Variants in ACOT1 observed in about 807,000 individuals in gnomAD.
ACOT1 encodes the protein acyl-CoA thioesterase 1, also known as acyl-coenzyme A thioesterase 1.
A neutral mutation model predicts 15.7 loss-of-function variants in ACOT1; 8 were observed. The ratio of observed to expected loss-of-function variants is 0.51; its 90% confidence interval spans 0.30 to 0.92. The LOEUF (loss-of-function observed/expected upper bound fraction) is 0.92, where lower values mean the gene tolerates loss of function less well. Among genes scored for constraint, ACOT1 ranks in the 40% least tolerant of loss-of-function variants. The pLI is 0.06. For synonymous variants in ACOT1, 67 were observed against 241.2 expected (o/e 0.28, Z 6.69); for missense variants, 151 against 539.4 (o/e 0.28, Z 7.13).
chr14:73,492,203 T>C, the ACOT1 span: 1 of 1,613,922 alleles, frequency 6.2e-7, no homozygotes, highest in East Asian at 2.2e-5. The surrounding 1 kb of genome is among the most constrained non-coding windows in gnomAD (Gnocchi z 4.9). Context: ...ACCTGGAGAT[T>C]TGCTGTATTT....
chr14:73,542,400 T>C (rs147927875), intron 2 of ACOT1, among the ~76,000 whole-genome samples: 1,633 of 103,740 alleles, frequency 0.016, 364 homozygotes, highest in African/African-American at 0.054. Context: ...ATGTTTTTTC[T>C]TTCTTTTTTT....
the ACOT1 span, among the ~76,000 whole-genome samples, chr14:73,501,493 G>A: frequency 1.3e-5 from 2 of 149,858 alleles, no homozygotes; most frequent in Non-Finnish European, 1.5e-5. Context: ...GACCTCAAGT[G>A]ATTCTCCTGC....
chr14:73,491,207 G>A, the ACOT1 span: 1 of 1,594,872 alleles, frequency 6.3e-7, no homozygotes, highest in East Asian at 2.3e-5. Flanking sequence ...CGAGAACTCG[G>A]AGGAATCGAG....
chr14:73,500,558 C>A, the ACOT1 span: 1 of 1,612,630 alleles, frequency 6.2e-7, no homozygotes, highest in South Asian at 1.1e-5. Context: ...ACCATCTTGT[C>A]GCGGATCTGC....
the ACOT1 span, chr14:73,491,172 C>A: frequency 6.2e-7 from 1 of 1,601,774 alleles, no homozygotes. Flanking sequence ...CGCATGGCAG[C>A]GCTGAGGACG....
Position 73,537,344 on chromosome 14 carries a change from G to A in ACOT1, c.-78G>A. On this transcript the variant is annotated 5_prime_UTR_variant, in exon 1 of 3. Coordinates refer to ENST00000311148, the MANE Select transcript of ACOT1 (RefSeq NM_001037161.2). ...GGCGTTTAGCCTGCGACGGCAGCCCGAGAGGAAGAGTTGGGCAGAGTTGCA... is the reference window on the plus strand; with the variant it reads ...GGCGTTTAGCCTGCGACGGCAGCCCAAGAGGAAGAGTTGGGCAGAGTTGCA... The A allele has an allele frequency of 1.7e-6, 2 of 1,159,212 alleles. No homozygotes were observed. 71.8% of individuals were successfully genotyped at this position (1,159,212 alleles called of 1,614,324 possible).
chr14:73,509,809 CCCATATATATATATATATATAT>C, the ACOT1 span, among the ~76,000 whole-genome samples: 153 of 5,184 alleles, frequency 0.03, 6 homozygotes, highest in Non-Finnish European at 0.037. Context: ...GCCCCATGAG[CCCATATATATATATATATATAT>C]ATATATATAT....
At chr14:73,509,552 G>T in the ACOT1 span, 1 of 1,472,780 alleles carries the variant, frequency 6.8e-7, no homozygotes, top group East Asian at 2.3e-5. Flanking sequence ...ACAGCCATGT[G>T]GTGGCCAACC....
the ACOT1 span, chr14:73,498,983 C>T: frequency 9.2e-7 from 1 of 1,089,240 alleles, no homozygotes; most frequent in East Asian, 2.4e-5. Context: ...TGCACTTCAC[C>T]CCATTAGAGA....
chr14:73,522,669 G>A, the ACOT1 span: 52 of 1,614,052 alleles, frequency 3.2e-5, no homozygotes, highest in African/African-American at 4.9e-4. Flanking sequence ...ATGAGAGGGC[G>A]GGGTGCTTCC....
chr14:73,532,023 G>A, the ACOT1 span, among the ~76,000 whole-genome samples: 2 of 113,786 alleles, frequency 1.8e-5, 1 homozygote, highest in Non-Finnish European at 3.8e-5. Flanking sequence ...CAAGAGTGAA[G>A]TGCAGTCTCA....
the ACOT1 span, among the ~76,000 whole-genome samples, chr14:73,518,672 C>G: frequency 6.6e-6 from 1 of 152,052 alleles, no homozygotes; most frequent in African/African-American, 2.4e-5. Flanking sequence ...GGGAAAAGGG[C>G]AGAATGCTGG....
At chr14:73,523,250 T>A in the ACOT1 span, 1 of 1,235,006 alleles carries the variant, frequency 8.1e-7, no homozygotes. Flanking sequence ...GAGGAACTGA[T>A]GAGAACTCTA....
chr14:73,509,550 G>A, the ACOT1 span: 2 of 1,490,444 alleles, frequency 1.3e-6, no homozygotes, highest in South Asian at 1.2e-5. Flanking sequence ...CTACAGCCAT[G>A]TGGTGGCCAA....
chr14:73,491,493 A>T, the ACOT1 span: 2 of 1,506,176 alleles, frequency 1.3e-6, no homozygotes, highest in Non-Finnish European at 1.8e-6. Context: ...GCGGCCGTCC[A>T]GTCGTCCGGG....
At chr14:73,498,432 C>G in the ACOT1 span, 2 of 1,189,206 alleles carry the variant, frequency 1.7e-6, no homozygotes, top group Admixed American at 4.9e-5. Context: ...GCAAACAATA[C>G]CTTCCCTTTT....
At chr14:73,498,315 C>T in the ACOT1 span, 46 of 1,609,254 alleles carry the variant, frequency 2.9e-5, no homozygotes, top group East Asian at 5.8e-4. Flanking sequence ...TCCGTCAGCT[C>T]GGGACTTACT....
the ACOT1 span, chr14:73,499,225 A>C: frequency 8.4e-7 from 1 of 1,188,232 alleles, no homozygotes; most frequent in Non-Finnish European, 1.3e-6. Flanking sequence ...GCACCCCTGT[A>C]ATCCCAGCAT....
the ACOT1 span, chr14:73,492,701 G>C: frequency 1.9e-6 from 3 of 1,613,968 alleles, no homozygotes; most frequent in Non-Finnish European, 2.5e-6. This position sits in a 1 kb window ranked among gnomAD's most constrained non-coding sequence, Gnocchi z 4.9. Context: ...GGTGGGTGAG[G>C]GGGGCCATTT....
Sources: allele counts gnomAD v4.1 joint callset (sites outside exome capture counted in the v4.1 genomes callset), GRCh38; gene constraint gnomAD v4.1.1; non-coding constraint Gnocchi (gnomAD v3.1); transcripts MANE v1.5; gene names NCBI Gene and HGNC (gene_info 2026-07-23, HGNC 2026-07-21).